Variants in FARS2 observed in about 807,000 individuals in gnomAD.
FARS2 encodes the protein phenylalanine--tRNA ligase, mitochondrial.
Under a neutral mutation model 46.4 loss-of-function variants are expected in FARS2, and 40 were observed. The ratio of observed to expected loss-of-function variants is 0.86; its 90% CI spans 0.67 to 1.12. The LOEUF is 1.12. FARS2 is among the 50% of genes most tolerant of loss of function. The pLI, the probability that FARS2 is intolerant of heterozygous loss-of-function variation, is 0.00. For missense variants in FARS2, 513 were observed against 567.9 expected (o/e 0.90, Z 0.98); for synonymous variants, 234 against 214.9 (o/e 1.09, Z -0.78).
intron 1 of FARS2, among the ~76,000 whole-genome samples, chr6:5,317,607 C>A (rs986640539): frequency 6.6e-6 from 1 of 151,880 alleles, no homozygotes; most frequent in Non-Finnish European, 1.5e-5. Context: ...ATGGCAAAAC[C>A]CCATCTCTAC....
chr6:5,434,802 C>G (rs1034807902), intron 4 of FARS2, among the ~76,000 whole-genome samples: 15 of 152,160 alleles, frequency 9.9e-5, no homozygotes, highest in Admixed American at 3.9e-4. Context: ...CTTTACTTTT[C>G]TTCATTCCCT....
chr6:5,709,113 A>G (rs753921701), intron 6 of FARS2, among the ~76,000 whole-genome samples: 1 of 152,186 alleles, frequency 6.6e-6, no homozygotes, highest in Non-Finnish European at 1.5e-5. Flanking sequence ...GCTAATTAGA[A>G]GTCTTTTTTA....
intron 1 of FARS2, among the ~76,000 whole-genome samples, chr6:5,334,195 A>G (rs1030584729): frequency 1.3e-5 from 2 of 152,212 alleles, no homozygotes; most frequent in Non-Finnish European, 2.9e-5. Flanking sequence ...TAGTAAAACT[A>G]CTTGGCAGTG....
chr6:5,425,517 A>G (rs922846491), intron 3 of FARS2, among the ~76,000 whole-genome samples: 1 of 152,110 alleles, frequency 6.6e-6, no homozygotes, highest in African/African-American at 2.4e-5. Flanking sequence ...CCAAACACAC[A>G]CACACACACA....
At position 5,712,937 on chromosome 6, in the gene FARS2, G is replaced by A. The variant is rs372498407; in HGVS notation, c.1218-58354G>A. On this transcript the variant is annotated intron_variant, in intron 6 of 6. Coordinates refer to ENST00000274680, the MANE Select transcript of FARS2 (RefSeq NM_006567.5). ...ATCTAAAATGGAGTGTACAAAAAGC[G>A]TACCTGTAGAACTTTCACTGTCACC... Among the ~76,000 whole-genome samples the A allele has an allele frequency of 1.6e-3, 248 of 152,346 alleles. 13 individuals are homozygous for A. The South Asian group carries it at 0.047, about 29-fold the overall frequency.
chr6:5,635,124 C>T (rs144304838), intron 6 of FARS2, among the ~76,000 whole-genome samples: 4 of 152,262 alleles, frequency 2.6e-5, no homozygotes, highest in East Asian at 3.9e-4. Context: ...AACAGTGAAC[C>T]GACCTTAGAA....
At chr6:5,384,635 T>C (rs1431431791) in intron 2 of FARS2, among the ~76,000 whole-genome samples, 3 of 152,172 alleles carry the variant, frequency 2.0e-5, no homozygotes, top group African/African-American at 7.2e-5. Flanking sequence ...GGACAGGCCA[T>C]GTTGGCCAGC....
At position 5,451,383 on chromosome 6, in the gene FARS2, T is replaced by C. The variant is rs115398643; in HGVS notation, c.904+20211T>C. Among the ~76,000 whole-genome samples the C allele has an allele frequency of 7.8e-3, 1,192 of 152,298 alleles. 13 individuals are homozygous for C. Among genetic ancestry groups the C allele is most frequent in the African/African-American group, 0.027 (1,139 of 41,560 alleles). ...GCATTACGTTTCATGAAAATTCAAT[T>C]ATTCTTGTCTCCAGGAAACATGTTC... On this transcript the variant is annotated intron_variant, in intron 4 of 6. Coordinates refer to ENST00000274680, the MANE Select transcript of FARS2 (RefSeq NM_006567.5).
intron 4 of FARS2, among the ~76,000 whole-genome samples, chr6:5,500,394 A>G (rs1361513690): frequency 2.6e-5 from 4 of 152,250 alleles, no homozygotes; most frequent in Non-Finnish European, 5.9e-5. Context: ...GTCGAAGCAG[A>G]ATGGAGACCA....
At chr6:5,668,843 A>G (rs1056162011) in intron 6 of FARS2, among the ~76,000 whole-genome samples, 21 of 151,230 alleles carry the variant, frequency 1.4e-4, no homozygotes, top group Admixed American at 6.6e-4. Context: ...ACAGGCACCC[A>G]CCATCACGCC....
chr6:5,556,412 A>G (rs1771661633), intron 5 of FARS2, among the ~76,000 whole-genome samples: 1 of 152,048 alleles, frequency 6.6e-6, no homozygotes, highest in East Asian at 1.9e-4. Flanking sequence ...AGTCCTCCTG[A>G]TTCTCAGTCC....
chr6:5,267,680 G>A (rs1007955761), intron 1 of FARS2, among the ~76,000 whole-genome samples: 1 of 151,782 alleles, frequency 6.6e-6, no homozygotes, highest in Non-Finnish European at 1.5e-5. Context: ...CATGAAGTTG[G>A]GAGGTGGAGC....
rs1418315589 is a variant in FARS2, at chr6:5,424,178, C to G, written c.773-6863C>G. The stretch of plus-strand genomic sequence containing the variant: ...AAAGCCCTGGATCTTTGTCTGGGAC[C>G]TACACTCTCATTGTATTCTTCCACC... On this transcript the variant is annotated intron_variant, in intron 3 of 6. Coordinates refer to ENST00000274680, the MANE Select transcript of FARS2 (RefSeq NM_006567.5). Among the ~76,000 whole-genome samples the G allele has an allele frequency of 3.9e-5, 6 of 152,312 alleles. No individual in the cohort carries two copies. In the East Asian group the frequency reaches 1.2e-3, roughly 29 times the overall value.
chr6:5,409,975 A>G (rs573574603), intron 3 of FARS2, among the ~76,000 whole-genome samples: 1 of 152,152 alleles, frequency 6.6e-6, no homozygotes, highest in East Asian at 1.9e-4. Flanking sequence ...TGAAGTGGGA[A>G]GGTGACTGGA....
chr6:5,332,861 A>C (rs1432343314), intron 1 of FARS2, among the ~76,000 whole-genome samples: 5 of 152,198 alleles, frequency 3.3e-5, no homozygotes, highest in Non-Finnish European at 7.3e-5. Context: ...AACCGCATTA[A>C]AAGGGTAATG....
chr6:5,278,664 T>C (rs532316843), intron 1 of FARS2, among the ~76,000 whole-genome samples: 22 of 152,296 alleles, frequency 1.4e-4, no homozygotes, highest in African/African-American at 5.3e-4. Context: ...GTCTTTTCTT[T>C]ATTAGGCTAA....
chr6:5,345,023 C>T (rs1167763029), intron 1 of FARS2, among the ~76,000 whole-genome samples: 2 of 151,792 alleles, frequency 1.3e-5, no homozygotes, highest in Admixed American at 6.6e-5. Flanking sequence ...AACTCCTGAC[C>T]TCAGGTGATC....
At chr6:5,425,283 G>A (rs1762785002) in intron 3 of FARS2, among the ~76,000 whole-genome samples, 1 of 152,182 alleles carries the variant, frequency 6.6e-6, no homozygotes, top group African/African-American at 2.4e-5. Flanking sequence ...TCTACCATCT[G>A]TGGAAGGCAG....
chr6:5,417,922 T>C (rs1762332863), intron 3 of FARS2, among the ~76,000 whole-genome samples: 1 of 152,194 alleles, frequency 6.6e-6, no homozygotes, highest in Non-Finnish European at 1.5e-5. Flanking sequence ...GTGATTTTTT[T>C]TTCCTTCTAT....
Sources: allele counts gnomAD v4.1 joint callset (sites outside exome capture counted in the v4.1 genomes callset), GRCh38; gene constraint gnomAD v4.1.1; transcripts MANE v1.5; gene names NCBI Gene and HGNC (gene_info 2026-07-23, HGNC 2026-07-21).